Variants in SPIRE2 observed in about 807,000 individuals in gnomAD.
SPIRE2 encodes the protein spire type actin nucleation factor 2, also known as protein spire homolog 2.
Under a neutral mutation model 80.7 loss-of-function variants are expected in SPIRE2, and 76 were observed. That is an observed-to-expected ratio of 0.94 (90% confidence interval 0.78 to 1.14). The LOEUF (loss-of-function observed/expected upper bound fraction) is 1.14, where lower values mean the gene tolerates loss of function less well. Ranked by LOEUF, SPIRE2 falls within the 50% of genes most tolerant of loss-of-function variation. SPIRE2 has a pLI of 0.00. For missense variants in SPIRE2, 1,196 were observed against 1,015.3 expected (o/e 1.18, Z -2.42); for synonymous variants, 535 against 432.6 (o/e 1.24, Z -2.94).
At chr16:89,869,031 T>TAAAAAAAAAAAAA (rs766356633) in intron 13 of SPIRE2, among the ~76,000 whole-genome samples, 6 of 23,974 alleles carry the variant, frequency 2.5e-4, no homozygotes, top group Admixed American at 7.0e-4. Flanking sequence ...ATCTGTGTCT[T>TAAAAAAAAAAAAA]AAAAAAAAAA....
chr16:89,843,685 GTTTTTGTTTTTTGTTT>G (rs2041526998), intron 1 of SPIRE2, among the ~76,000 whole-genome samples: 1 of 21,308 alleles, frequency 4.7e-5, no homozygotes. Flanking sequence ...TTTTTTGTTT[GTTTTTGTTTTTTGTTT>G]TTTTTTTTTT....
At chr16:89,859,664 C>T (rs1466808701) in intron 9 of SPIRE2, among the ~76,000 whole-genome samples, 1 of 152,172 alleles carries the variant, frequency 6.6e-6, no homozygotes, top group Non-Finnish European at 1.5e-5. Context: ...GTGATAGACC[C>T]TTCTAGTCCT....
chr16:89,859,884 C>T (rs1340565010), intron 9 of SPIRE2, among the ~76,000 whole-genome samples: 1 of 152,190 alleles, frequency 6.6e-6, no homozygotes, highest in Non-Finnish European at 1.5e-5. Context: ...ACCACCACAT[C>T]CCAGCAGGCA....
chr16:89,860,654 G>A, intron 9 of SPIRE2, 29 bp from the exon 10 acceptor site: 1 of 1,459,130 alleles, frequency 6.9e-7, no homozygotes. Flanking sequence ...CTGCCAGGCA[G>A]TCCTGATGGA....
rs1177972307 is a variant in SPIRE2, at chr16:89,828,584, G to T, written c.34G>T (p.Ala12Ser). Residue 12 changes from alanine to serine, a missense_variant, in exon 1 of 15, where the codon GCG (alanine) becomes TCG (serine). Transcript: ENST00000378247. This position sits in a 1 kb window ranked among gnomAD's most constrained non-coding sequence, Gnocchi z 5.9. ...ARAGSCGGAA[A>S]GAGRPEPWEL... The stretch of plus-strand genomic sequence containing the variant: ...GGCGGGCAGCTGCGGCGGCGCCGCG[G>T]CGGGCGCAGGGCGGCCGGAGCCCTG... 17 of 1,180,132 alleles carry T rather than the reference G, an allele frequency of 1.4e-5. No homozygotes were observed. The highest frequency in any genetic ancestry group is 1.6e-5 in the Non-Finnish European group (15 of 956,210). The allele number at this position is 1,180,132 out of a possible 1,614,324, so 73.1% of individuals were successfully genotyped here. A position where few individuals can be genotyped will look rare whatever the true frequency, so the allele number is the denominator to read the frequency against.
intron 1 of SPIRE2, among the ~76,000 whole-genome samples, chr16:89,837,412 G>A (rs959614335): frequency 2.6e-5 from 4 of 152,186 alleles, no homozygotes; most frequent in Admixed American, 6.6e-5. Context: ...CTCTTGGACC[G>A]GGATTAATAG....
chr16:89,843,380 A>G (rs919016481), intron 1 of SPIRE2, among the ~76,000 whole-genome samples: 1 of 152,090 alleles, frequency 6.6e-6, no homozygotes, highest in Non-Finnish European at 1.5e-5. Flanking sequence ...GGTTTCATCA[A>G]TGAAATACGT....
rs556239190 is a variant in SPIRE2 at position 89,860,458 on chromosome 16, G to A, written c.1463-225G>A. ...ATTTTTCTATAGAGCTGAGGGTCTC[G>A]CTACGTTGCCCAGGGTGGTCTCAAG... On this transcript the variant is annotated intron_variant, in intron 9 of 14. Transcript: ENST00000378247. 2.6e-4 allele frequency among the ~76,000 whole-genome samples: 39 copies of A among 152,074 alleles called. No individual in the cohort carries two copies. The South Asian group carries it at 2.9e-3, about 11-fold the overall frequency.
intron 1 of SPIRE2, among the ~76,000 whole-genome samples, chr16:89,834,685 C>T (rs111587034): frequency 3.2e-5 from 4 of 125,344 alleles, no homozygotes; most frequent in Admixed American, 8.3e-5. Context: ...TGCCCGCACT[C>T]GCGGTTGGCC....
chr16:89,865,169 G>C (rs1489913881), intron 12 of SPIRE2, among the ~76,000 whole-genome samples: 1 of 152,040 alleles, frequency 6.6e-6, no homozygotes, highest in Non-Finnish European at 1.5e-5. Context: ...ACCACTCCCA[G>C]CTAATTTTTT....
chr16:89,869,383 C>G (rs1383983582), intron 13 of SPIRE2, among the ~76,000 whole-genome samples, 184 bp from the exon 14 acceptor site: 8 of 152,024 alleles, frequency 5.3e-5, no homozygotes, highest in Admixed American at 3.3e-4. Flanking sequence ...AAGCAGGAAC[C>G]CCGTGCCAGT....
At position 89,863,766 on chromosome 16, in the gene SPIRE2, C is replaced by A. The variant is rs1215324127; in HGVS notation, c.1711-28C>A. ...GGACCCCAGGGAGCTTTGGACAAAG[C>A]GGGGCTCTAACCAGTCTCTCCTGAC... On this transcript the variant is annotated intron_variant, in intron 11 of 14. Transcript: ENST00000378247. The surrounding 1 kb of genome is among the most constrained non-coding windows in gnomAD (Gnocchi z 4.3). 1 of 1,612,808 alleles carries A rather than the reference C, an allele frequency of 6.2e-7. No individual in the cohort carries two copies. Among genetic ancestry groups the A allele is most frequent in the East Asian group, 2.2e-5 (1 of 44,860 alleles).
At chr16:89,843,678 T>G (rs2041525935) in intron 1 of SPIRE2, among the ~76,000 whole-genome samples, 5 of 23,266 alleles carry the variant, frequency 2.1e-4, no homozygotes, top group Admixed American at 1.1e-3. Context: ...TTTTTTTTTT[T>G]TTGTTTGTTT....
intron 1 of SPIRE2, among the ~76,000 whole-genome samples, chr16:89,834,820 G>A (rs1352257411): frequency 1.5e-5 from 2 of 135,330 alleles, no homozygotes; most frequent in Non-Finnish European, 3.2e-5. Context: ...CCGCATTCGC[G>A]GTTGGCCGTC....
chr16:89,870,249 A>T lies in SPIRE2; in HGVS notation c.2122A>T (p.Thr708Ser), dbSNP rs2041828534. Reference sequence around the variant, plus strand: ...GACCCAATCCCTCTACATCCCTAACACCAGGACTCTTGACTTCAAGTGACA... The same window carrying T: ...GACCCAATCCCTCTACATCCCTAACTCCAGGACTCTTGACTTCAAGTGACA... Reference protein sequence around the residue: ...RQTQSLYIPNTRTLDFK With the variant: ...RQTQSLYIPNSRTLDFK The change falls in exon 15 of 15, where the codon ACC becomes TCC. Residue 708 changes from threonine to serine, a missense_variant. Thr to Ser is a moderately conservative substitution (Grantham distance 58). Transcript: ENST00000378247. 1 of 1,599,154 alleles carries T rather than the reference A, an allele frequency of 6.3e-7. No individual in the cohort carries two copies. Among genetic ancestry groups the T allele is most frequent in the South Asian group, 1.1e-5 (1 of 88,694 alleles).
At chr16:89,851,219 A>G (rs1044310463) in intron 3 of SPIRE2, among the ~76,000 whole-genome samples, 17 of 151,998 alleles carry the variant, frequency 1.1e-4, no homozygotes, top group African/African-American at 4.1e-4. Context: ...CCCAGCGCGC[A>G]TTATTCTCTC....
chr16:89,861,997 C>G (rs937297528), intron 10 of SPIRE2: 1 of 151,568 alleles, frequency 6.6e-6, no homozygotes, highest in Non-Finnish European at 1.5e-5. Flanking sequence ...GAATTAAGGC[C>G]CACTTCTTTT....
In SPIRE2 at chr16:89,860,727, A is replaced by G; in HGVS notation, c.1507A>G (p.Ser503Gly). The G allele has an allele frequency of 1.3e-6, 2 of 1,590,100 alleles. No individual in the cohort carries two copies. Among genetic ancestry groups the G allele is most frequent in the Non-Finnish European group, 1.7e-6 (2 of 1,169,006 alleles). Residue 503 changes from serine to glycine, a missense_variant, in exon 10 of 15, where the codon AGC (serine) becomes GGC (glycine). Transcript: ENST00000378247. ...SVSDPSHPLL[S>G]NRGSSGDRPE... is the part of the protein sequence containing the mutation. ...CTCTGACCCCAGCCACCCCCTACTC[A>G]GCAACCGGGGCTCCTCGGGGGACAG...
At chr16:89,848,180 CA>C (rs1228328533) in intron 2 of SPIRE2, among the ~76,000 whole-genome samples, 1 of 152,358 alleles carries the variant, frequency 6.6e-6, no homozygotes, top group African/African-American at 2.4e-5. Flanking sequence ...TCACTGTGCC[CA>C]GGAGGGGCCC....
Sources: gnomAD v4.1 joint callset for allele counts (sites outside exome capture counted in the v4.1 genomes callset) on GRCh38, gnomAD v4.1.1 for gene constraint, Gnocchi (gnomAD v3.1) non-coding constraint, MANE v1.5 for transcripts, NCBI Gene and HGNC (gene_info 2026-07-23, HGNC 2026-07-21) for gene names.